The following GRIK4 variants were observed in gnomAD, a reference collection of about 807,000 sequenced individuals.
GRIK4 encodes the protein glutamate receptor ionotropic, kainate 4.
A neutral mutation model predicts 104.9 loss-of-function variants in GRIK4; 40 were observed. The ratio of observed to expected loss-of-function variants is 0.38; its 90% CI spans 0.30 to 0.50. The LOEUF (loss-of-function observed/expected upper bound fraction) is 0.50, where lower values mean the gene tolerates loss of function less well. Ranked by LOEUF, GRIK4 falls within the 20% of genes least tolerant of loss-of-function variation. The pLI is 0.93. For synonymous variants in GRIK4, 485 were observed against 524.9 expected, an observed-to-expected ratio of 0.92 and a Z score of 1.04; for missense variants, 1,047 against 1,308.1, an observed-to-expected ratio of 0.80 and a Z score of 3.08.
chr11:120,858,402 C>T (rs758504182), intron 8 of GRIK4: 4 of 152,128 alleles, frequency 2.6e-5, no homozygotes, highest in Non-Finnish European at 5.9e-5. Flanking sequence ...TGTAGAGTAG[C>T]ATTTCCCAGA....
At chr11:120,793,313 C>T (rs758381318) in intron 3 of GRIK4, among the ~76,000 whole-genome samples, 15 of 151,770 alleles carry the variant, frequency 9.9e-5, no homozygotes, top group Non-Finnish European at 1.3e-4. Context: ...AAGGGAGAGC[C>T]AGAGGGCACA....
chr11:120,833,747 G>A (rs915567776), intron 7 of GRIK4, among the ~76,000 whole-genome samples: 1 of 152,210 alleles, frequency 6.6e-6, no homozygotes, highest in Non-Finnish European at 1.5e-5. Context: ...ATCACCCAGA[G>A]CTATTTAACC....
chr11:120,907,387 G>A (rs76251641), intron 13 of GRIK4, among the ~76,000 whole-genome samples: 11,698 of 152,090 alleles, frequency 0.077, 1,508 homozygotes, highest in African/African-American at 0.27. Flanking sequence ...AGGAGTCTGG[G>A]ACTCATAGAC....
chr11:120,856,931 GCCCTGCTTC>G (rs1954120196), intron 8 of GRIK4, among the ~76,000 whole-genome samples: 2 of 152,130 alleles, frequency 1.3e-5, no homozygotes, highest in African/African-American at 4.8e-5. Context: ...TGTCCCCGGG[GCCCTGCTTC>G]CCCTAGACCT....
At chr11:120,840,816 C>T (rs989527621) in intron 8 of GRIK4, among the ~76,000 whole-genome samples, 2 of 152,118 alleles carry the variant, frequency 1.3e-5, no homozygotes, top group African/African-American at 2.4e-5. Context: ...GTTGTACAAC[C>T]ATCACCACTA....
At chr11:120,731,406 T>G (rs1951127680) in intron 3 of GRIK4, among the ~76,000 whole-genome samples, 2 of 152,180 alleles carry the variant, frequency 1.3e-5, no homozygotes. Flanking sequence ...CTTGCATCCC[T>G]GGGATAAATC....
intron 3 of GRIK4, among the ~76,000 whole-genome samples, chr11:120,741,700 T>C (rs1951337189): frequency 6.6e-6 from 1 of 152,182 alleles, no homozygotes; most frequent in South Asian, 2.1e-4. Flanking sequence ...ATCTTAACTT[T>C]TCAGGTTAAA....
intron 1 of GRIK4, among the ~76,000 whole-genome samples, chr11:120,604,682 T>A (rs753184952): frequency 6.6e-5 from 10 of 152,242 alleles, no homozygotes; most frequent in African/African-American, 2.4e-4. Flanking sequence ...CTGTTAGCGA[T>A]AAGCCAGAGC....
chr11:120,886,535 GTGAT>G (rs1201472094), intron 11 of GRIK4, among the ~76,000 whole-genome samples: 4 of 152,200 alleles, frequency 2.6e-5, no homozygotes, highest in Non-Finnish European at 5.9e-5. Context: ...GTAAAACAAA[GTGAT>G]TGATTGATTG....
chr11:120,649,743 T>C (rs1183703935), intron 1 of GRIK4, among the ~76,000 whole-genome samples: 1 of 152,098 alleles, frequency 6.6e-6, no homozygotes, highest in Non-Finnish European at 1.5e-5. Context: ...ACTGCTCATC[T>C]CCTCCCAAAC....
intron 1 of GRIK4, among the ~76,000 whole-genome samples, chr11:120,621,798 A>C (rs180779637): frequency 3.7e-4 from 57 of 152,362 alleles, no homozygotes; most frequent in African/African-American, 1.3e-3. Flanking sequence ...GAGACTTCTC[A>C]GCTGCAGCGG....
intron 8 of GRIK4, among the ~76,000 whole-genome samples, chr11:120,838,071 T>C (rs1205648233): frequency 6.6e-6 from 1 of 152,068 alleles, no homozygotes; most frequent in Non-Finnish European, 1.5e-5. Context: ...TGAGGTGGAG[T>C]TGCTTGGCTT....
intron 1 of GRIK4, among the ~76,000 whole-genome samples, chr11:120,519,953 C>T (rs920799222): frequency 2.1e-5 from 3 of 144,808 alleles, no homozygotes; most frequent in East Asian, 2.0e-4. Flanking sequence ...AGTGCAGAGG[C>T]GCGATCTTGG....
rs1460805550 is a variant in GRIK4, at chr11:120,889,263, A to G, written c.1165-9269A>G. ...TGTTCACCACGGAGGCTAATATTAC[A>G]AACCTTTTTAGTTGGTTTTATTTCA... On this transcript the variant is annotated intron_variant, in intron 11 of 20. Transcript: ENST00000527524. Among the ~76,000 whole-genome samples, 7 of 152,204 alleles carry G rather than the reference A, an allele frequency of 4.6e-5. No individual in the cohort carries two copies. The East Asian group carries it at 1.2e-3, about 25-fold the overall frequency.
At chr11:120,837,241 C>A (rs1013531217) in intron 8 of GRIK4, among the ~76,000 whole-genome samples, 10 of 152,266 alleles carry the variant, frequency 6.6e-5, no homozygotes, top group Non-Finnish European at 1.2e-4. Flanking sequence ...ACTCTGAGAT[C>A]CTTGTTCTTT....
Position 120,956,107 on chromosome 11 carries a change from ATC to A in GRIK4, c.1701-666_1701-665del, listed in dbSNP as rs1255071997. 1.3e-5 allele frequency among the ~76,000 whole-genome samples: 2 copies of A among 151,750 alleles called. No homozygotes were observed. Among genetic ancestry groups the A allele is most frequent in the Non-Finnish European group, 2.9e-5 (2 of 67,970 alleles). On this transcript the variant is annotated intron_variant, in intron 15 of 20. Coordinates refer to ENST00000527524, the MANE Select transcript of GRIK4 (RefSeq NM_014619.5). The surrounding 1 kb of genome is among the most constrained non-coding windows in gnomAD (Gnocchi z 4.6). ...AACCGTGGTTCTAAGGGACACTAATATCTCTCTCATCACCCTGTCACTGGCAG... is the reference window on the plus strand; with the variant it reads ...AACCGTGGTTCTAAGGGACACTAATATCTCTCATCACCCTGTCACTGGCAG...
At chr11:120,874,353 A>C in intron 10 of GRIK4, 135 bp downstream of exon 10, 1 of 682,836 alleles carries the variant, frequency 1.5e-6, no homozygotes, top group Non-Finnish European at 2.4e-6. Context: ...TAAATCAGTG[A>C]TCTCTGGTGA....
intron 8 of GRIK4, among the ~76,000 whole-genome samples, chr11:120,852,293 A>G (rs898327116): frequency 1.3e-5 from 2 of 152,242 alleles, no homozygotes; most frequent in African/African-American, 4.8e-5. Context: ...CTGGAAGCAT[A>G]TGACTGAGGT....
intron 4 of GRIK4, among the ~76,000 whole-genome samples, chr11:120,810,204 G>A (rs1450053156): frequency 1.3e-5 from 2 of 152,218 alleles, no homozygotes; most frequent in Non-Finnish European, 2.9e-5. Flanking sequence ...ACATCTGTCT[G>A]TTGAGATCAG....
Sources: gnomAD v4.1 joint callset for allele counts (sites outside exome capture counted in the v4.1 genomes callset) on GRCh38, gnomAD v4.1.1 for gene constraint, Gnocchi (gnomAD v3.1) non-coding constraint, MANE v1.5 for transcripts, NCBI Gene and HGNC (gene_info 2026-07-23, HGNC 2026-07-21) for gene names.